The following CCM2 variants were observed in gnomAD, a reference collection of about 807,000 sequenced individuals.
The protein encoded by CCM2 is CCM2 scaffold protein.
Under a neutral mutation model 44.9 loss-of-function variants are expected in CCM2, and 25 were observed. The ratio of observed to expected loss-of-function variants is 0.56; its 90% CI spans 0.41 to 0.78. The LOEUF is 0.78. CCM2 is among the 30% of genes least tolerant of loss of function. CCM2 has a pLI of 0.00. For missense variants in CCM2, 481 were observed against 580.6 expected, an observed-to-expected ratio of 0.83 and a Z score of 1.76; for synonymous variants, 219 against 241.1, an observed-to-expected ratio of 0.91 and a Z score of 0.85.
intron 1 of CCM2, chr7:45,027,919 C>A: frequency 1.0e-6 from 1 of 996,646 alleles, no homozygotes; most frequent in Non-Finnish European, 1.6e-6. Context: ...GCCCAGTCTC[C>A]ATGACCCCTG....
chr7:45,020,139 G>T (rs773122279), intron 1 of CCM2, among the ~76,000 whole-genome samples: 2 of 152,116 alleles, frequency 1.3e-5, no homozygotes, highest in Non-Finnish European at 2.9e-5. Context: ...TGAGACTGGG[G>T]CATACTCTCA....
chr7:45,010,788 G>A (rs1310601043), intron 1 of CCM2, among the ~76,000 whole-genome samples: 1 of 151,814 alleles, frequency 6.6e-6, no homozygotes, highest in Non-Finnish European at 1.5e-5. Context: ...AGTAGAGATG[G>A]GGTTTCACCA....
Position 45,035,911 on chromosome 7 carries a change from T to C in CCM2, c.31-2342T>C, listed in dbSNP as rs192882089. ...AGGTAAATACAGTCATAAAATTAACTGGTATATATTTTGCTTGTTCACAAC... is the reference window on the plus strand; with the variant it reads ...AGGTAAATACAGTCATAAAATTAACCGGTATATATTTTGCTTGTTCACAAC... On this transcript the variant is annotated intron_variant, in intron 1 of 9. Coordinates refer to ENST00000258781, the MANE Select transcript of CCM2 (RefSeq NM_031443.4). Among the ~76,000 whole-genome samples, 143 of 152,264 alleles carry C rather than the reference T, an allele frequency of 9.4e-4. 2 individuals carry two copies. The highest frequency in any genetic ancestry group is 3.3e-3 in the African/African-American group (139 of 41,540).
In CCM2 at chr7:45,068,467, G is replaced by T; in HGVS notation, c.497G>T (p.Ser166Ile). ...GCCCAGGACCCAGGGATCTCCCCCA[G>T]CCAGAGTCTGTGTGCGGAAAGTTCC... ...KTAQDPGISP[S>I]QSLCAESSRG... The change falls in exon 5 of 10, where the codon AGC (serine) becomes ATC (isoleucine). Residue 166 changes from serine to isoleucine, a missense_variant. By Grantham distance (142) the Ser-to-Ile change is moderately radical. Coordinates refer to ENST00000258781, the MANE Select transcript of CCM2 (RefSeq NM_031443.4). 1.9e-6 allele frequency: 3 copies of T among 1,614,140 alleles called. No homozygotes were observed. Among genetic ancestry groups the T allele is most frequent in the Non-Finnish European group, 2.5e-6 (3 of 1,180,028 alleles).
At chr7:45,009,623 A>G (rs886106852) in intron 1 of CCM2, among the ~76,000 whole-genome samples, 1 of 151,982 alleles carries the variant, frequency 6.6e-6, no homozygotes, top group African/African-American at 2.4e-5. Flanking sequence ...GGGCTGGTCT[A>G]GAACTCCTGA....
chr7:45,026,503 C>T (rs1796694597), intron 1 of CCM2, among the ~76,000 whole-genome samples: 1 of 151,708 alleles, frequency 6.6e-6, no homozygotes, highest in Non-Finnish European at 1.5e-5. Flanking sequence ...TGTTGAAAAT[C>T]AGCACTTTGA....
chr7:45,008,100 T>G (rs1372386515), intron 1 of CCM2, among the ~76,000 whole-genome samples: 2 of 149,772 alleles, frequency 1.3e-5, no homozygotes, highest in African/African-American at 4.9e-5. Context: ...TGGAGTGCAG[T>G]TGCATGACCT....
intron 8 of CCM2, 153 bp from the exon 9 acceptor site, chr7:45,074,117 A>C: frequency 6.7e-7 from 1 of 1,486,376 alleles, no homozygotes; most frequent in East Asian, 2.4e-5. Flanking sequence ...GGATGGGGAC[A>C]CATTGTGGTC....
Position 45,075,902 on chromosome 7 carries a change from A to G in CCM2, c.1180A>G (p.Thr394Ala), listed in dbSNP as rs368380083. 6.2e-7 allele frequency: 1 copy of G among 1,613,044 alleles called. No homozygotes were observed. Among genetic ancestry groups the G allele is most frequent in the African/African-American group, 1.3e-5 (1 of 74,906 alleles). Residue 394 changes from threonine (T) to alanine (A), a missense_variant, in exon 10 of 10, where the codon ACC (threonine) becomes GCC (alanine). Transcript: ENST00000258781. ...SFGRHRRALS[T>A]TSSSTTNGNR... ...TGGCAGGCACCGGCGGGCCCTGAGCACCACATCCAGTTCCACCACCAATGG... is the reference window on the plus strand; with the variant it reads ...TGGCAGGCACCGGCGGGCCCTGAGCGCCACATCCAGTTCCACCACCAATGG...
intron 1 of CCM2, 64 bp from the exon 2 acceptor site, chr7:45,038,189 C>T: frequency 6.3e-7 from 1 of 1,592,696 alleles, no homozygotes; most frequent in South Asian, 1.1e-5. Context: ...TGTTTGTTAA[C>T]CATAGGTACA....
intron 1 of CCM2, among the ~76,000 whole-genome samples, chr7:45,021,118 TGTG>T (rs1278782749): frequency 2.0e-5 from 3 of 151,994 alleles, no homozygotes; most frequent in Non-Finnish European, 2.9e-5. Context: ...CAAAGCCAGG[TGTG>T]GCGACATGCC....
chr7:45,052,874 G>A (rs1044367189), intron 2 of CCM2, among the ~76,000 whole-genome samples: 5 of 152,182 alleles, frequency 3.3e-5, no homozygotes, highest in East Asian at 1.9e-4. Context: ...GTCAGGGGCC[G>A]GATAAATTTC....
intron 7 of CCM2, 53 bp from the exon 8 acceptor site, chr7:45,073,407 G>A (rs1303305875): frequency 2.4e-5 from 30 of 1,243,306 alleles, no homozygotes; most frequent in Non-Finnish European, 3.3e-5. Flanking sequence ...TGAAACGTGT[G>A]TGGGATGGAG....
intron 2 of CCM2, among the ~76,000 whole-genome samples, chr7:45,055,740 A>G (rs1798227236): frequency 6.6e-6 from 1 of 152,224 alleles, no homozygotes; most frequent in Admixed American, 6.5e-5. Context: ...TCAATGGCAT[A>G]AAATCAATTC....
chr7:45,005,751 C>T (rs982016541), intron 1 of CCM2, among the ~76,000 whole-genome samples: 8 of 152,262 alleles, frequency 5.3e-5, no homozygotes, highest in Admixed American at 5.2e-4. Context: ...GTCACTTACA[C>T]CTAAAATTAG....
intron 1 of CCM2, among the ~76,000 whole-genome samples, chr7:45,029,777 G>A (rs1387584100): frequency 6.6e-6 from 1 of 152,222 alleles, no homozygotes; most frequent in African/African-American, 2.4e-5. Flanking sequence ...CAGAGCCTGA[G>A]CCTTGGCTTT....
intron 1 of CCM2, among the ~76,000 whole-genome samples, chr7:45,015,567 C>G (rs1796232727): frequency 6.6e-6 from 1 of 152,216 alleles, no homozygotes; most frequent in African/African-American, 2.4e-5. Context: ...CAACATGTTC[C>G]TGTGCCTTGC....
At chr7:45,026,507 A>G (rs1796694955) in intron 1 of CCM2, among the ~76,000 whole-genome samples, 1 of 152,014 alleles carries the variant, frequency 6.6e-6, no homozygotes, top group African/African-American at 2.4e-5. Flanking sequence ...GAAAATCAGC[A>G]CTTTGATTTG....
chr7:45,017,803 A>G (rs1796325314), intron 1 of CCM2, among the ~76,000 whole-genome samples: 2 of 152,246 alleles, frequency 1.3e-5, no homozygotes, highest in Admixed American at 6.5e-5. Flanking sequence ...GGCTGGAACC[A>G]AAACAGGCTT....
Sources: gnomAD v4.1 joint callset for allele counts (sites outside exome capture counted in the v4.1 genomes callset) on GRCh38, gnomAD v4.1.1 for gene constraint, MANE v1.5 for transcripts, NCBI Gene and HGNC (gene_info 2026-07-23, HGNC 2026-07-21) for gene names.